The following TAFA2 variants were observed in gnomAD, a reference collection of about 807,000 sequenced individuals.
TAFA2 encodes TAFA chemokine like family member 2, also known as chemokine-like protein TAFA-2.
TAFA2 carries 7 observed loss-of-function variants against 18.8 expected under a neutral mutation model. The observed-to-expected ratio is 0.37, with a 90% CI of 0.21 to 0.70. The LOEUF (loss-of-function observed/expected upper bound fraction) is 0.70, where lower values mean the gene tolerates loss of function less well. Among genes scored for constraint, TAFA2 ranks in the 30% least tolerant of loss-of-function variants. The pLI, the probability that TAFA2 is intolerant of heterozygous loss-of-function variation, is 0.53. For synonymous variants in TAFA2, 60 were observed against 54.2 expected (o/e 1.11, Z -0.47); for missense variants, 122 against 158.1 (o/e 0.77, Z 1.23).
intron 2 of TAFA2, among the ~76,000 whole-genome samples, chr12:61,782,512 T>C (rs191842746): frequency 1.3e-5 from 2 of 151,822 alleles, no homozygotes; most frequent in African/African-American, 4.8e-5. Flanking sequence ...TTGATGTCTT[T>C]TGTCTCCCCA....
chr12:61,851,761 C>A (rs12818441), intron 2 of TAFA2, among the ~76,000 whole-genome samples: 1 of 96,710 alleles, frequency 1.0e-5, no homozygotes, highest in Non-Finnish European at 1.9e-5. Context: ...GGCGACAGAG[C>A]GAGACTCCAT....
At chr12:61,918,203 T>A (rs770875616) in intron 1 of TAFA2, among the ~76,000 whole-genome samples, 5 of 152,138 alleles carry the variant, frequency 3.3e-5, no homozygotes, top group Non-Finnish European at 7.3e-5. Context: ...AATGAACAAT[T>A]AAATTATCAT....
At chr12:61,785,360 T>C (rs28415849) in intron 2 of TAFA2, among the ~76,000 whole-genome samples, 6,601 of 145,526 alleles carry the variant, frequency 0.045, 454 homozygotes, top group African/African-American at 0.16. Context: ...TGTGTGTGTG[T>C]TTGTGTGTGT....
intron 1 of TAFA2, among the ~76,000 whole-genome samples, chr12:62,016,329 T>G (rs1592551298): frequency 6.6e-6 from 1 of 152,172 alleles, no homozygotes; most frequent in African/African-American, 2.4e-5. Flanking sequence ...AAATTTCTTT[T>G]CAGGAAAGCT....
chr12:61,854,965 T>C (rs1873823334), intron 2 of TAFA2, among the ~76,000 whole-genome samples: 1 of 152,058 alleles, frequency 6.6e-6, no homozygotes, highest in African/African-American at 2.4e-5. Flanking sequence ...TGAAGAGAGA[T>C]CCCAGGATGA....
chr12:61,733,456 G>T (rs1401141544), intron 4 of TAFA2, among the ~76,000 whole-genome samples: 1 of 151,860 alleles, frequency 6.6e-6, no homozygotes, highest in Non-Finnish European at 1.5e-5. Flanking sequence ...TGTATAAGAT[G>T]TAAGGAAGGG....
rs373596540 is a variant in TAFA2, at chr12:62,161,104, G to A, written c.-2+30155C>T. 5.6e-4 allele frequency among the ~76,000 whole-genome samples: 85 copies of A among 152,294 alleles called. 1 individual carries two copies. The East Asian group carries it at 0.015, about 28-fold the overall frequency. On this transcript the variant is annotated intron_variant, in intron 1 of 4. Transcript: ENST00000416284. ...TTATTTGGTTTTGAACTACCCTGTG[G>A]TAGGAGGTATTCCTTACAACTTTCG... is the stretch of plus-strand genomic sequence containing the variant.
chr12:61,733,705 A>C (rs1176375133), intron 4 of TAFA2, among the ~76,000 whole-genome samples: 1 of 151,096 alleles, frequency 6.6e-6, no homozygotes, highest in Non-Finnish European at 1.5e-5. Context: ...GTCAGGTAGC[A>C]TGATGCCTCC....
chr12:61,890,261 A>G (rs1301273378), intron 1 of TAFA2: 1 of 152,256 alleles, frequency 6.6e-6, no homozygotes, highest in African/African-American at 2.4e-5. Flanking sequence ...GCATAAATAT[A>G]AATTTACTCT....
At chr12:62,235,355 G>T in intron 1 of TAFA2, 1 of 654,696 alleles carries the variant, frequency 1.5e-6, no homozygotes. Context: ...TGCTTGGTAG[G>T]CCATGGTTCC....
At chr12:62,211,486 AGGAGAACTGCTTGAACCTGG>A (rs1288766122) in intron 1 of TAFA2, among the ~76,000 whole-genome samples, 3 of 151,862 alleles carry the variant, frequency 2.0e-5, no homozygotes, top group African/African-American at 7.3e-5. Context: ...AGGCTGAAGC[AGGAGAACTGCTTGAACCTGG>A]GAGGCGGAGG....
At chr12:61,959,335 T>A (rs1157306468) in intron 1 of TAFA2, among the ~76,000 whole-genome samples, 1 of 152,066 alleles carries the variant, frequency 6.6e-6, no homozygotes, top group Non-Finnish European at 1.5e-5. Flanking sequence ...AAATTTTGTT[T>A]GAGTATTTTA....
Position 62,069,883 on chromosome 12 carries a change from G to A in TAFA2, c.-2+121376C>T, listed in dbSNP as rs193142029. Among the ~76,000 whole-genome samples the A allele has an allele frequency of 2.6e-3, 394 of 152,270 alleles. No homozygotes were observed. In the Middle Eastern group the frequency reaches 0.037, roughly 14 times the overall value. ...TAACACTTTTATTTAGATTAAATAC[G>A]ATGTTTGCTATAGCCAATGTATATA... On this transcript the variant is annotated intron_variant, in intron 1 of 4. Transcript: ENST00000416284.
At chr12:61,720,052 T>C (rs1202354938) in intron 4 of TAFA2, among the ~76,000 whole-genome samples, 1 of 152,134 alleles carries the variant, frequency 6.6e-6, no homozygotes, top group African/African-American at 2.4e-5. Flanking sequence ...TTTTTCTTTT[T>C]TCAGTTTCCT....
intron 2 of TAFA2, among the ~76,000 whole-genome samples, chr12:61,758,695 G>C (rs1869391285): frequency 6.6e-6 from 1 of 152,044 alleles, no homozygotes; most frequent in African/African-American, 2.4e-5. Flanking sequence ...CAGGGAGTTA[G>C]CTGATGCACA....
At chr12:62,025,119 A>G (rs1448991170) in intron 1 of TAFA2, among the ~76,000 whole-genome samples, 4 of 152,168 alleles carry the variant, frequency 2.6e-5, no homozygotes, top group Admixed American at 1.3e-4. Context: ...CTCTGTATCC[A>G]AAAGAAAATA....
intron 1 of TAFA2, among the ~76,000 whole-genome samples, chr12:61,940,094 C>G (rs1286741485): frequency 2.0e-5 from 3 of 152,126 alleles, no homozygotes; most frequent in Non-Finnish European, 4.4e-5. Flanking sequence ...TAACAGAGAA[C>G]AGAACAGAAA....
intron 1 of TAFA2, among the ~76,000 whole-genome samples, chr12:62,212,723 CCT>C (rs1457207808): frequency 6.6e-6 from 1 of 152,128 alleles, no homozygotes; most frequent in Non-Finnish European, 1.5e-5. Flanking sequence ...TTTGAAAAAT[CCT>C]CTTTTTTATT....
At chr12:61,812,296 G>A (rs1871903610) in intron 2 of TAFA2, among the ~76,000 whole-genome samples, 1 of 151,550 alleles carries the variant, frequency 6.6e-6, no homozygotes, top group Admixed American at 6.6e-5. Flanking sequence ...CTCTGGGAAT[G>A]GTGTCTCCAA....
Sources: allele counts gnomAD v4.1 joint callset (sites outside exome capture counted in the v4.1 genomes callset), GRCh38; gene constraint gnomAD v4.1.1; transcripts MANE v1.5; gene names NCBI Gene and HGNC (gene_info 2026-07-23, HGNC 2026-07-21).